The following HGD variants were observed in gnomAD, a reference collection of about 807,000 sequenced individuals.
The protein encoded by HGD is homogentisate 1,2-dioxygenase.
Under a neutral mutation model 60.8 loss-of-function variants are expected in HGD, and 61 were observed. That is an observed-to-expected ratio of 1.00 (90% CI 0.82 to 1.24). The LOEUF is 1.24. Ranked by LOEUF, HGD falls within the 50% of genes most tolerant of loss-of-function variation. HGD has a pLI of 0.00. For missense variants in HGD, 542 were observed against 547.1 expected, an observed-to-expected ratio of 0.99 and a Z score of 0.09; for synonymous variants, 212 against 187.7, an observed-to-expected ratio of 1.13 and a Z score of -1.06.
intron 4 of HGD, among the ~76,000 whole-genome samples, chr3:120,666,595 G>A (rs1011152010): frequency 6.6e-6 from 1 of 152,088 alleles, no homozygotes; most frequent in Non-Finnish European, 1.5e-5. Context: ...CAATTTTCCT[G>A]CCTCAGCCTC....
rs1189623213 is a variant in HGD at position 120,638,549 on chromosome 3, C to T, written c.912G>A (p.Lys304=). ...DPSIFTVLTA[K]SVRPGVAIAD... Reference sequence around the variant, plus strand: ...CAATGGCCACTCCAGGGCGGACAGACTTAGCAGTCAATACTGTGAAAATGG... The same window carrying T: ...CAATGGCCACTCCAGGGCGGACAGATTTAGCAGTCAATACTGTGAAAATGG... The change falls in exon 12 of 14, where the codon AAG becomes AAA. Residue 304 remains lysine (K), a synonymous_variant. Transcript: ENST00000283871. 1.2e-5 allele frequency: 19 copies of T among 1,614,006 alleles called. No individual in the cohort carries two copies. The highest frequency in any genetic ancestry group is 1.7e-5 in the Admixed American group (1 of 60,016).
chr3:120,636,342 T>G (rs562174231), intron 12 of HGD, among the ~76,000 whole-genome samples: 7 of 151,958 alleles, frequency 4.6e-5, no homozygotes, highest in Non-Finnish European at 7.4e-5. Flanking sequence ...TGCAAATTCT[T>G]AGGTCCTATC....
chr3:120,637,048 A>G (rs1940804505), intron 12 of HGD, among the ~76,000 whole-genome samples: 1 of 152,200 alleles, frequency 6.6e-6, no homozygotes, highest in Non-Finnish European at 1.5e-5. Flanking sequence ...TCAGCTAGCT[A>G]TTGCACAATT....
chr3:120,682,063 G>A (rs1417128927), intron 1 of HGD, 34 bp downstream of exon 1: 3 of 1,610,316 alleles, frequency 1.9e-6, no homozygotes, highest in African/African-American at 2.7e-5. Flanking sequence ...TTTGGCTGAA[G>A]AAGCCATAGC....
chr3:120,651,155 T>C (rs1316614466), intron 5 of HGD, among the ~76,000 whole-genome samples: 1 of 152,216 alleles, frequency 6.6e-6, no homozygotes, highest in Admixed American at 6.5e-5. Flanking sequence ...TTTTATCAAT[T>C]TGATGCTTGA....
At chr3:120,635,414 T>G (rs1407644471) in intron 12 of HGD, among the ~76,000 whole-genome samples, 1 of 147,266 alleles carries the variant, frequency 6.8e-6, no homozygotes, top group East Asian at 2.0e-4. Context: ...GAGGCAGAGC[T>G]TGCAGTGAGC....
chr3:120,682,034 C>G, intron 1 of HGD, 63 bp downstream of exon 1: 1 of 1,503,776 alleles, frequency 6.6e-7, no homozygotes, highest in Non-Finnish European at 9.3e-7. Flanking sequence ...CCCTGAAGTT[C>G]TCAGAAACTT....
At chr3:120,632,509 A>T (rs960131928) in intron 13 of HGD, among the ~76,000 whole-genome samples, 8 of 152,266 alleles carry the variant, frequency 5.3e-5, no homozygotes, top group Non-Finnish European at 1.2e-4. Flanking sequence ...AGTTGCATCC[A>T]TGCCAAAGCA....
At chr3:120,674,683 T>G in intron 3 of HGD, 1 of 519,020 alleles carries the variant, frequency 1.9e-6, no homozygotes, top group Non-Finnish European at 3.6e-6. Context: ...ATGTGTATTT[T>G]CCCAGCTCTG....
intron 4 of HGD, among the ~76,000 whole-genome samples, chr3:120,656,339 A>G (rs1214847634): frequency 2.0e-5 from 3 of 152,198 alleles, no homozygotes; most frequent in African/African-American, 7.2e-5. Flanking sequence ...TTTTAAAAAT[A>G]GTTTATTTTA....
At chr3:120,630,843 T>TACACACACACACACACACAC (rs111540631) in intron 13 of HGD, among the ~76,000 whole-genome samples, 3 of 116,690 alleles carry the variant, frequency 2.6e-5, no homozygotes, top group African/African-American at 3.7e-5. Context: ...CACACACACA[T>TACACACACACACACACACAC]ACACACACAC....
chr3:120,634,694 G>A (rs388554), intron 12 of HGD, among the ~76,000 whole-genome samples: 1 of 152,094 alleles, frequency 6.6e-6, no homozygotes, highest in Admixed American at 6.5e-5. Context: ...AGTGGCAACC[G>A]TTACAAAATC....
Position 120,677,614 on chromosome 3 carries a change from C to T in HGD, c.16-1751G>A, listed in dbSNP as rs537495449. The stretch of plus-strand genomic sequence containing the variant: ...GAAACTTCATTAGCAATTTTAATTT[C>T]GCCTCGGTCCTGTGGTCCTGTGATC... On this transcript the variant is annotated intron_variant, in intron 1 of 13. Coordinates refer to ENST00000283871, the MANE Select transcript of HGD (RefSeq NM_000187.4). Among the ~76,000 whole-genome samples, 42 of 152,294 alleles carry T rather than the reference C, an allele frequency of 2.8e-4. 1 individual carries two copies. The South Asian group carries it at 3.5e-3, about 13-fold the overall frequency.
In HGD at chr3:120,628,445, T is replaced by G. The variant is rs765596920; in HGVS notation, c.1273A>C (p.Lys425Gln). ...ASRCLDENYHKCWEPLKSHFT... is the reference protein window; with the variant it reads ...ASRCLDENYHQCWEPLKSHFT... ...TGGCTCTTGAGTGGCTCCCAGCACT[T>G]GTGGTAGTTCTCATCCAAACACCTG... Residue 425 changes from lysine (K) to glutamine (Q), a missense_variant, in exon 14 of 14, where the codon AAG (lysine) becomes CAG (glutamine). Around this residue, in one of 2 missense-constraint regions of HGD, gnomAD observed 537 missense variants for 529.1 expected, o/e 1.01. Coordinates refer to ENST00000283871, the MANE Select transcript of HGD (RefSeq NM_000187.4). 14 of 1,613,868 alleles carry G rather than the reference T, an allele frequency of 8.7e-6. No individual in the cohort carries two copies. The highest frequency in any genetic ancestry group is 1.3e-5 in the African/African-American group (1 of 74,862).
chr3:120,675,511 G>C (rs1298476719), intron 2 of HGD, among the ~76,000 whole-genome samples: 1 of 152,086 alleles, frequency 6.6e-6, no homozygotes, highest in Non-Finnish European at 1.5e-5. Context: ...GGTGTTCAAG[G>C]GGAATATGAG....
chr3:120,628,605 A>G, intron 13 of HGD, 76 bp from the exon 14 acceptor site: 1 of 1,491,330 alleles, frequency 6.7e-7, no homozygotes, highest in East Asian at 2.3e-5. Context: ...ATGTCAACAG[A>G]AGGTATGGGT....
chr3:120,646,218 T>C (rs1224549359), intron 9 of HGD, 49 bp downstream of exon 9: 1 of 1,099,332 alleles, frequency 9.1e-7, no homozygotes, highest in East Asian at 2.4e-5. Flanking sequence ...TGCAATTATC[T>C]GAGTCCTACA....
At chr3:120,669,654 C>T (rs954846643) in intron 4 of HGD, among the ~76,000 whole-genome samples, 45 of 152,260 alleles carry the variant, frequency 3.0e-4, no homozygotes, top group African/African-American at 8.9e-4. Flanking sequence ...AGTCATATGC[C>T]GAGCTGCAAC....
At chr3:120,628,909 C>A (rs1243304505) in intron 13 of HGD, among the ~76,000 whole-genome samples, 1 of 152,158 alleles carries the variant, frequency 6.6e-6, no homozygotes. Context: ...TGGCTATGTC[C>A]TTGTGAGGAA....
Sources: gnomAD v4.1 joint callset for allele counts (sites outside exome capture counted in the v4.1 genomes callset) on GRCh38, gnomAD v4.1.1 for gene constraint, gnomAD v4.1.1 regional missense constraint, MANE v1.5 for transcripts, NCBI Gene and HGNC (gene_info 2026-07-23, HGNC 2026-07-21) for gene names.